The following ATXN1 variants were observed in gnomAD, a reference collection of about 807,000 sequenced individuals.
The protein encoded by ATXN1 is ataxin-1.
In ATXN1, 8 loss-of-function variants were observed where a neutral mutation model predicts 56.4. The ratio of observed to expected loss-of-function variants is 0.14; its 90% confidence interval spans 0.08 to 0.26. The LOEUF (loss-of-function observed/expected upper bound fraction) is 0.26. Among genes scored for constraint, ATXN1 ranks in the 10% least tolerant of loss-of-function variants. The probability of loss-of-function intolerance (pLI) is 1.00; values close to 1 mark genes in which losing one functional copy is unlikely to be tolerated. For missense variants in ATXN1, 987 were observed against 1,106.5 expected (o/e 0.89, Z 1.53); for synonymous variants, 514 against 494.6 (o/e 1.04, Z -0.52).
intron 4 of ATXN1, among the ~76,000 whole-genome samples, chr6:16,532,325 C>T (rs772661885): frequency 9.8e-5 from 15 of 152,304 alleles, no homozygotes; most frequent in Middle Eastern, 3.4e-3. Context: ...CACTGAACCT[C>T]GTCCATGATA....
In ATXN1 at chr6:16,554,782, G is replaced by A. The variant is rs572199411; in HGVS notation, c.-361+30998C>T. On this transcript the variant is annotated intron_variant, in intron 4 of 7. Transcript: ENST00000436367. ...TTTTTTGTATTTTTAGTAGAGATAG[G>A]GTTTCACCATGTTGGCTAGGCTGGT... Among the ~76,000 whole-genome samples, 4 of 152,004 alleles carry A rather than the reference G, an allele frequency of 2.6e-5. No homozygotes were observed. In the East Asian group the frequency reaches 5.8e-4, roughly 22 times the overall value.
chr6:16,655,894 A>G (rs149971277), intron 3 of ATXN1, among the ~76,000 whole-genome samples: 2,127 of 151,950 alleles, frequency 0.014, 31 homozygotes, highest in Middle Eastern at 0.027. Context: ...GATCGAGACC[A>G]TCCTGGCTAA....
intron 6 of ATXN1, among the ~76,000 whole-genome samples, chr6:16,473,202 TAAAA>T (rs1760256205): frequency 1.3e-5 from 2 of 152,110 alleles, no homozygotes; most frequent in Non-Finnish European, 2.9e-5. Flanking sequence ...ATTTTACCTA[TAAAA>T]GATACCACTT....
chr6:16,389,578 G>T (rs960902419), intron 6 of ATXN1, among the ~76,000 whole-genome samples: 1 of 152,146 alleles, frequency 6.6e-6, no homozygotes, highest in Non-Finnish European at 1.5e-5. Flanking sequence ...CAGTAGTCTT[G>T]GTTTCTGAAC....
chr6:16,686,229 A>G (rs1758914662), intron 2 of ATXN1, among the ~76,000 whole-genome samples: 1 of 152,318 alleles, frequency 6.6e-6, no homozygotes, highest in Middle Eastern at 3.4e-3. Flanking sequence ...TACATAACAC[A>G]GAGTCTTAAA....
intron 6 of ATXN1, among the ~76,000 whole-genome samples, chr6:16,386,041 G>C (rs1758233248): frequency 6.6e-6 from 1 of 152,184 alleles, no homozygotes; most frequent in African/African-American, 2.4e-5. Flanking sequence ...TCTAGGTAGA[G>C]ATAGATGCTT....
chr6:16,385,819 T>C (rs980843270), intron 6 of ATXN1, among the ~76,000 whole-genome samples: 5 of 152,232 alleles, frequency 3.3e-5, no homozygotes, highest in African/African-American at 4.8e-5. Flanking sequence ...AGAAGAGAAA[T>C]AGCTTGCAAC....
rs146891899 is a variant in ATXN1 at position 16,471,380 on chromosome 6, G to A, written c.-161+14592C>T. Among the ~76,000 whole-genome samples the A allele has an allele frequency of 2.2e-3, 334 of 152,326 alleles. 2 individuals are homozygous for A. The highest frequency in any genetic ancestry group is 3.7e-3 in the Non-Finnish European group (255 of 68,028). On this transcript the variant is annotated intron_variant, in intron 6 of 7. Transcript: ENST00000436367. ...TTAGTAATTTGAGATTGAGATGAAC[G>A]AAGTAAATGGAGATGCCTTAGAGCT... is the stretch of plus-strand genomic sequence containing the variant.
In ATXN1 at chr6:16,710,168, A is replaced by G. The variant is rs545978810; in HGVS notation, c.-615+43065T>C. On this transcript the variant is annotated intron_variant, in intron 2 of 7. Coordinates refer to ENST00000436367, the MANE Select transcript of ATXN1 (RefSeq NM_001128164.2). ...CGATCAGAAAAAAAGTCCTGGTTAT[A>G]TAAATAATTTGAAAAGGATGATTTA... Among the ~76,000 whole-genome samples, 3 of 152,370 alleles carry G rather than the reference A, an allele frequency of 2.0e-5. No individual in the cohort carries two copies. In the East Asian group the frequency reaches 5.8e-4, roughly 29 times the overall value.
At chr6:16,383,536 A>C (rs1758176608) in intron 6 of ATXN1, among the ~76,000 whole-genome samples, 1 of 152,230 alleles carries the variant, frequency 6.6e-6, no homozygotes. Flanking sequence ...TTATTAAAAC[A>C]CAATTCTTAA....
chr6:16,628,844 A>AT (rs1226143255), intron 3 of ATXN1, among the ~76,000 whole-genome samples: 1 of 151,812 alleles, frequency 6.6e-6, no homozygotes, highest in Admixed American at 6.6e-5. Flanking sequence ...TATGTACCAC[A>AT]TTTTTTTTGT....
intron 2 of ATXN1, among the ~76,000 whole-genome samples, chr6:16,741,271 T>C (rs2113509263): frequency 6.6e-6 from 1 of 152,314 alleles, no homozygotes; most frequent in East Asian, 1.9e-4. Context: ...TGAGGCAGAC[T>C]CATGACACAT....
intron 6 of ATXN1, among the ~76,000 whole-genome samples, chr6:16,350,768 A>C (rs1370831969): frequency 1.3e-5 from 2 of 152,154 alleles, no homozygotes; most frequent in African/African-American, 4.8e-5. Flanking sequence ...CACCGAACCC[A>C]AGCCTTGGTT....
intron 2 of ATXN1, among the ~76,000 whole-genome samples, chr6:16,689,390 T>G (rs1337852367): frequency 3.9e-5 from 6 of 152,006 alleles, no homozygotes; most frequent in Non-Finnish European, 5.9e-5. Flanking sequence ...CATAGCTCAC[T>G]ACAGCCACAA....
chr6:16,555,340 C>T (rs1034589407), intron 4 of ATXN1, among the ~76,000 whole-genome samples: 4 of 152,180 alleles, frequency 2.6e-5, no homozygotes, highest in East Asian at 1.9e-4. Context: ...AAGCCGTGAA[C>T]TGTAGGCATT....
intron 6 of ATXN1, among the ~76,000 whole-genome samples, chr6:16,386,340 G>A (rs2113514091): frequency 6.6e-6 from 1 of 152,294 alleles, no homozygotes; most frequent in Admixed American, 6.5e-5. Context: ...GGGTAGTGGT[G>A]ACAGCGCGTT....
At chr6:16,609,018 G>A (rs1434282907) in intron 3 of ATXN1, among the ~76,000 whole-genome samples, 3 of 152,150 alleles carry the variant, frequency 2.0e-5, no homozygotes, top group Non-Finnish European at 2.9e-5. Context: ...TGAAAAAAAA[G>A]GAGGGCACCC....
At position 16,602,367 on chromosome 6, in the gene ATXN1, C is replaced by A. The variant is rs530067338; in HGVS notation, c.-488-16460G>T. 3.3e-5 allele frequency among the ~76,000 whole-genome samples: 5 copies of A among 152,096 alleles called. No individual in the cohort carries two copies. In the South Asian group the frequency reaches 1.0e-3, roughly 32 times the overall value. The stretch of plus-strand genomic sequence containing the variant: ...ACCAAAAAAAATCCATACTTTAAAG[C>A]TTTTAATTTTTTTAAGCTTTTAATT... On this transcript the variant is annotated intron_variant, in intron 3 of 7. Transcript: ENST00000436367.
At chr6:16,732,142 CTG>C (rs1178679482) in intron 2 of ATXN1, among the ~76,000 whole-genome samples, 3 of 152,238 alleles carry the variant, frequency 2.0e-5, no homozygotes, top group Admixed American at 2.0e-4. Context: ...TATAGGCACA[CTG>C]TAGTCTTTCA....
Sources: allele counts gnomAD v4.1 joint callset (sites outside exome capture counted in the v4.1 genomes callset), GRCh38; gene constraint gnomAD v4.1.1; transcripts MANE v1.5; gene names NCBI Gene and HGNC (gene_info 2026-07-23, HGNC 2026-07-21).